SRPK2: variants seen among roughly 807,000 people sequenced by gnomAD.
The protein encoded by SRPK2 is SFRS protein kinase 2.
In SRPK2, 21 loss-of-function variants were observed where a neutral mutation model predicts 90.8. The observed-to-expected ratio is 0.23, with a 90% confidence interval of 0.16 to 0.33. The LOEUF is 0.33. Among genes scored for constraint, SRPK2 ranks in the 10% least tolerant of loss-of-function variants. The probability of loss-of-function intolerance (pLI) is 1.00; values close to 1 mark genes in which losing one functional copy is unlikely to be tolerated. For synonymous variants in SRPK2, 288 were observed against 311.1 expected (o/e 0.93, Z 0.78); for missense variants, 620 against 869.0 (o/e 0.71, Z 3.60).
At chr7:105,243,194 G>A (rs1295804207) in intron 2 of SRPK2, among the ~76,000 whole-genome samples, 1 of 152,042 alleles carries the variant, frequency 6.6e-6, no homozygotes, top group East Asian at 1.9e-4. Flanking sequence ...GGTAGATAAG[G>A]GGAATCCCTA....
chr7:105,375,721 C>G (rs535437235), intron 2 of SRPK2, among the ~76,000 whole-genome samples: 1 of 152,262 alleles, frequency 6.6e-6, no homozygotes, highest in South Asian at 2.1e-4. Context: ...ATATTTACCA[C>G]AGGTCCACAA....
At chr7:105,361,342 A>G (rs1651093205) in intron 2 of SRPK2, among the ~76,000 whole-genome samples, 1 of 152,234 alleles carries the variant, frequency 6.6e-6, no homozygotes. Flanking sequence ...AACAAATGGA[A>G]GAACATTCCA....
chr7:105,247,607 C>T (rs1284412677), intron 2 of SRPK2, among the ~76,000 whole-genome samples: 1 of 150,504 alleles, frequency 6.6e-6, no homozygotes, highest in Non-Finnish European at 1.5e-5. Context: ...AAGTTTTTAA[C>T]TATTAACTGA....
intron 2 of SRPK2, among the ~76,000 whole-genome samples, chr7:105,365,355 G>A (rs1343746725): frequency 2.0e-5 from 3 of 151,556 alleles, no homozygotes; most frequent in East Asian, 1.9e-4. Flanking sequence ...GTGTGGTGGC[G>A]GGTGCCTGTA....
At chr7:105,395,579 A>C (rs1457008396) in intron 1 of SRPK2, among the ~76,000 whole-genome samples, 1 of 151,960 alleles carries the variant, frequency 6.6e-6, no homozygotes, top group Non-Finnish European at 1.5e-5. Flanking sequence ...AAAATACAAA[A>C]ATTAGCGGGG....
intron 2 of SRPK2, among the ~76,000 whole-genome samples, chr7:105,388,312 G>C (rs1044257960): frequency 9.2e-5 from 14 of 151,550 alleles, no homozygotes; most frequent in African/African-American, 3.1e-4. Flanking sequence ...AAAGGGCCGC[G>C]ACCCCCGGGC....
chr7:105,161,503 C>T (rs953634273), intron 6 of SRPK2, among the ~76,000 whole-genome samples: 1 of 152,190 alleles, frequency 6.6e-6, no homozygotes, highest in Non-Finnish European at 1.5e-5. Flanking sequence ...GAGGACATGG[C>T]ACTTTCTAGG....
At chr7:105,244,430 C>T (rs911569224) in intron 2 of SRPK2, among the ~76,000 whole-genome samples, 6 of 152,284 alleles carry the variant, frequency 3.9e-5, no homozygotes, top group African/African-American at 1.4e-4. Context: ...ATTAGCTGCA[C>T]ATGGTACCAG....
upstream of SRPK2, chr7:105,388,937 C>A: frequency 5.0e-6 from 6 of 1,192,332 alleles, no homozygotes; most frequent in Non-Finnish European, 6.2e-6. Flanking sequence ...GCCGCCGCCG[C>A]CGCCGCTCCA....
intron 3 of SRPK2, among the ~76,000 whole-genome samples, chr7:105,185,265 A>G (rs1243482960): frequency 3.3e-5 from 5 of 151,994 alleles, no homozygotes; most frequent in African/African-American, 1.2e-4. Context: ...AAAGAGAAAA[A>G]GAAATAAGAT....
At chr7:105,125,999 G>C (rs1023438213) in intron 15 of SRPK2, 7 of 649,020 alleles carry the variant, frequency 1.1e-5, no homozygotes, top group Non-Finnish European at 1.6e-5. Context: ...CAAAAGTACA[G>C]GCCTTCCTCG....
intron 2 of SRPK2, among the ~76,000 whole-genome samples, chr7:105,227,893 C>CAAAAAAAAAAAAAAAAAAAAAATAAAAA (rs566478716): frequency 1.2e-5 from 1 of 84,692 alleles, no homozygotes; most frequent in Non-Finnish European, 2.5e-5. Flanking sequence ...TATCATTCAG[C>CAAAAAAAAAAAAAAAAAAAAAATAAAAA]AAAAAAAAAA....
In SRPK2 at chr7:105,245,763, G is replaced by A. The variant is rs190712327; in HGVS notation, c.72-41978C>T. ...CTCTCTGTTGCCCAGGCTAGAGTGCGGTGGTTATTCACAGGCACAATCTTC... is the reference window on the plus strand; with the variant it reads ...CTCTCTGTTGCCCAGGCTAGAGTGCAGTGGTTATTCACAGGCACAATCTTC... On this transcript the variant is annotated intron_variant, in intron 2 of 15. Transcript: ENST00000393651. Among the ~76,000 whole-genome samples, 460 of 152,184 alleles carry A rather than the reference G, an allele frequency of 3.0e-3. 1 individual carries two copies. The highest frequency in any genetic ancestry group is 6.8e-3 in the Middle Eastern group (2 of 294).
At chr7:105,199,646 C>T (rs2129608923) in intron 3 of SRPK2, among the ~76,000 whole-genome samples, 1 of 152,184 alleles carries the variant, frequency 6.6e-6, no homozygotes, top group Admixed American at 6.5e-5. Context: ...CAGACTCTTA[C>T]TATCAGAGAA....
At chr7:105,238,018 C>G (rs1800343460) in intron 2 of SRPK2, among the ~76,000 whole-genome samples, 1 of 152,162 alleles carries the variant, frequency 6.6e-6, no homozygotes, top group Non-Finnish European at 1.5e-5. Context: ...AGGCATATAT[C>G]TAAATCAGCT....
chr7:105,324,684 T>G (rs1249960354), intron 2 of SRPK2, among the ~76,000 whole-genome samples: 1 of 152,018 alleles, frequency 6.6e-6, no homozygotes, highest in Non-Finnish European at 1.5e-5. Context: ...GTCAGGAGTT[T>G]CAGACCAGCC....
chr7:105,274,849 A>ATTT (rs2130664689), intron 2 of SRPK2, among the ~76,000 whole-genome samples: 1 of 151,622 alleles, frequency 6.6e-6, no homozygotes, highest in East Asian at 1.9e-4. Flanking sequence ...GCAGCATCCA[A>ATTT]TTAAAGCCTT....
chr7:105,222,663 GATCA>G (rs1256446965), intron 2 of SRPK2, among the ~76,000 whole-genome samples: 10 of 152,228 alleles, frequency 6.6e-5, no homozygotes, highest in African/African-American at 2.4e-4. Flanking sequence ...TTTTGAGAAA[GATCA>G]ATCTGGTATA....
intron 2 of SRPK2, among the ~76,000 whole-genome samples, chr7:105,267,315 A>G (rs980858148): frequency 6.6e-6 from 1 of 152,162 alleles, no homozygotes; most frequent in Admixed American, 6.5e-5. Flanking sequence ...TGATATTCCA[A>G]AAAGCTAATG....
Sources: allele counts gnomAD v4.1 joint callset (sites outside exome capture counted in the v4.1 genomes callset), GRCh38; gene constraint gnomAD v4.1.1; transcripts MANE v1.5; gene names NCBI Gene and HGNC (gene_info 2026-07-23, HGNC 2026-07-21).